The following SPATA6L variants were observed in gnomAD, a reference collection of about 807,000 sequenced individuals.
SPATA6L encodes spermatogenesis associated 6-like protein.
SPATA6L carries 68 observed loss-of-function variants against 49.2 expected under a neutral mutation model. The observed-to-expected ratio is 1.38, with a 90% CI of 1.14 to 1.69. SPATA6L has a LOEUF of 1.69. Among genes scored for constraint, SPATA6L ranks in the 40% most tolerant of loss-of-function variants. The pLI is 0.00. For synonymous variants in SPATA6L, 198 were observed against 165.7 expected (o/e 1.19, Z -1.50); for missense variants, 668 against 464.3 (o/e 1.44, Z -4.03).
chr9:4,664,208 T>A (rs1840502087), intron 1 of SPATA6L: 1 of 167,100 alleles, frequency 6.0e-6, no homozygotes. Context: ...GTGACCAGTA[T>A]GACAGGAGAT....
rs367647595 is a variant in SPATA6L at position 4,658,131 on chromosome 9, T to G, written c.178-2042A>C. 7.0e-4 allele frequency among the ~76,000 whole-genome samples: 106 copies of G among 152,332 alleles called. 2 individuals are homozygous for G. The East Asian group carries it at 0.015, about 22-fold the overall frequency. ...CACTCTGATTTCAAGAATTGTAGCC[T>G]CCAGAACAGTGAGATGATATGTTTC... On this transcript the variant is annotated intron_variant, in intron 2 of 11. Coordinates refer to ENST00000682582, the MANE Select transcript of SPATA6L (RefSeq NM_001353486.2).
intron 6 of SPATA6L, among the ~76,000 whole-genome samples, chr9:4,622,842 G>C (rs997877120): frequency 6.6e-6 from 1 of 152,182 alleles, no homozygotes; most frequent in African/African-American, 2.4e-5. Context: ...TCTTAAAATA[G>C]GACAACGTTT....
intron 3 of SPATA6L, among the ~76,000 whole-genome samples, chr9:4,643,867 C>T (rs543088213): frequency 1.3e-5 from 2 of 151,944 alleles, no homozygotes; most frequent in Non-Finnish European, 2.9e-5. Flanking sequence ...ATTAGCTGGA[C>T]GCATTGGCAG....
At chr9:4,595,199 C>A (rs892155533), downstream of SPATA6L, among the ~76,000 whole-genome samples, 7 of 152,164 alleles carry the variant, frequency 4.6e-5, no homozygotes, top group African/African-American at 1.2e-4. Flanking sequence ...CCCAGGCCAC[C>A]GGACTTAACC....
chr9:4,600,988 G>T (rs557952828), intron 11 of SPATA6L, among the ~76,000 whole-genome samples, 179 bp from the exon 12 acceptor site: 27 of 152,328 alleles, frequency 1.8e-4, no homozygotes, highest in African/African-American at 6.5e-4. Flanking sequence ...AACCCAGTGA[G>T]CATCTGTGTG....
intron 5 of SPATA6L, chr9:4,628,317 G>A (rs553890303): frequency 6.1e-6 from 1 of 163,686 alleles, no homozygotes; most frequent in Non-Finnish European, 1.3e-5. Flanking sequence ...CATTTACCTT[G>A]ATGTGATTAT....
intron 3 of SPATA6L, among the ~76,000 whole-genome samples, chr9:4,646,078 A>C (rs1395219568): frequency 6.6e-6 from 1 of 152,100 alleles, no homozygotes; most frequent in Non-Finnish European, 1.5e-5. Context: ...ACTATAGTTT[A>C]CCAACCCTGT....
chr9:4,617,637 T>C, intron 9 of SPATA6L: 1 of 280,814 alleles, frequency 3.6e-6, no homozygotes, highest in Non-Finnish European at 6.5e-6. Context: ...GGTGAACATT[T>C]TTATACTGGT....
intron 9 of SPATA6L, 56 bp from the exon 10 acceptor site, chr9:4,605,496 A>G: frequency 8.2e-7 from 1 of 1,225,222 alleles, no homozygotes; most frequent in Non-Finnish European, 1.2e-6. Context: ...AAGGACACTT[A>G]AAGCACATGA....
At chr9:4,606,572 C>A (rs201226163) in intron 9 of SPATA6L, among the ~76,000 whole-genome samples, 19 of 36,200 alleles carry the variant, frequency 5.2e-4, no homozygotes, top group East Asian at 5.2e-3. Flanking sequence ...CTCCAACAGA[C>A]CTGCAGCTGA....
chr9:4,636,974 GTCC>G (rs1832931851), intron 3 of SPATA6L, among the ~76,000 whole-genome samples: 1 of 152,012 alleles, frequency 6.6e-6, no homozygotes, highest in Non-Finnish European at 1.5e-5. Context: ...CAAATCCATT[GTCC>G]GCACGCTGCA....
chr9:4,637,150 T>C (rs1284018016), intron 3 of SPATA6L, among the ~76,000 whole-genome samples: 6 of 152,186 alleles, frequency 3.9e-5, no homozygotes, highest in Non-Finnish European at 8.8e-5. Context: ...CTCTCCCCCT[T>C]GATCATCGTT....
At chr9:4,615,826 T>C (rs536680451) in intron 9 of SPATA6L, among the ~76,000 whole-genome samples, 1 of 152,194 alleles carries the variant, frequency 6.6e-6, no homozygotes, top group African/African-American at 2.4e-5. Context: ...AAAAGCTTGC[T>C]GTACTGCTTT....
intron 3 of SPATA6L, 66 bp downstream of exon 3, chr9:4,655,975 G>A (rs1838064831): frequency 8.0e-7 from 1 of 1,247,522 alleles, no homozygotes. Context: ...AAAGAGCAGA[G>A]TTTTGAATCT....
chr9:4,663,130 T>C (rs770988507), intron 1 of SPATA6L: 2 of 1,614,158 alleles, frequency 1.2e-6, no homozygotes, highest in East Asian at 4.5e-5. Context: ...TCCAGGGTCA[T>C]GCTGGGGCGG....
At chr9:4,602,724 G>T (rs1823668051) in intron 11 of SPATA6L, among the ~76,000 whole-genome samples, 1 of 152,182 alleles carries the variant, frequency 6.6e-6, no homozygotes, top group African/African-American at 2.4e-5. Flanking sequence ...GGGAGACATG[G>T]ATTTCCATGT....
intron 7 of SPATA6L, among the ~76,000 whole-genome samples, chr9:4,621,658 T>C (rs1220898310): frequency 1.3e-5 from 2 of 152,152 alleles, no homozygotes; most frequent in Admixed American, 6.5e-5. Flanking sequence ...CCGGCTAATT[T>C]TGTATTTTTA....
At chr9:4,597,331 C>T (rs1822356187), downstream of SPATA6L, among the ~76,000 whole-genome samples, 1 of 24,676 alleles carries the variant, frequency 4.1e-5, no homozygotes, top group Admixed American at 4.0e-4. Context: ...CACACACACA[C>T]ACACACACAC....
At chr9:4,624,554 C>G (rs950991506) in intron 6 of SPATA6L, among the ~76,000 whole-genome samples, 1 of 151,900 alleles carries the variant, frequency 6.6e-6, no homozygotes, top group Non-Finnish European at 1.5e-5. Flanking sequence ...ATGGTGAAAC[C>G]CTGTCTTTCC....
Sources: allele counts gnomAD v4.1 joint callset (sites outside exome capture counted in the v4.1 genomes callset), GRCh38; gene constraint gnomAD v4.1.1; transcripts MANE v1.5; gene names NCBI Gene and HGNC (gene_info 2026-07-23, HGNC 2026-07-21).